NYAP2: variants seen among roughly 807,000 people sequenced by gnomAD.
NYAP2 encodes neuronal tyrosine-phosphorylated phosphoinositide-3-kinase adapter 2.
Under a neutral mutation model 50.4 loss-of-function variants are expected in NYAP2, and 23 were observed. The ratio of observed to expected loss-of-function variants is 0.46; its 90% CI spans 0.33 to 0.65. The LOEUF is 0.65. Ranked by LOEUF, NYAP2 falls within the 30% of genes least tolerant of loss-of-function variation. The pLI, the probability that NYAP2 is intolerant of heterozygous loss-of-function variation, is 0.02. For synonymous variants in NYAP2, 394 were observed against 365.2 expected, an observed-to-expected ratio of 1.08 and a Z score of -0.90; for missense variants, 885 against 861.0, an observed-to-expected ratio of 1.03 and a Z score of -0.35.
intron 5 of NYAP2, among the ~76,000 whole-genome samples, chr2:225,583,965 C>A (rs1013236225): frequency 2.6e-5 from 4 of 152,072 alleles, no homozygotes; most frequent in African/African-American, 9.7e-5. Context: ...TGGCGCGAAC[C>A]CGGGAGGCAG....
chr2:225,692,489 G>T, the NYAP2 span, among the ~76,000 whole-genome samples: 2 of 152,080 alleles, frequency 1.3e-5, no homozygotes, highest in Non-Finnish European at 2.9e-5. Context: ...AGATGAGATT[G>T]TTACAATATA....
At chr2:225,658,823 A>C (rs1693866799), downstream of NYAP2, among the ~76,000 whole-genome samples, 1 of 152,242 alleles carries the variant, frequency 6.6e-6, no homozygotes, top group Non-Finnish European at 1.5e-5. Context: ...ACTTTAATAC[A>C]AAGAATTCAG....
upstream of NYAP2, among the ~76,000 whole-genome samples, chr2:225,398,713 T>G (rs1026751037): frequency 6.6e-6 from 1 of 152,052 alleles, no homozygotes; most frequent in Non-Finnish European, 1.5e-5. Flanking sequence ...CTTCCCCGTT[T>G]GTATTTCTCC....
At chr2:225,586,966 A>G (rs1349187185) in intron 5 of NYAP2, among the ~76,000 whole-genome samples, 1 of 152,242 alleles carries the variant, frequency 6.6e-6, no homozygotes, top group Non-Finnish European at 1.5e-5. Context: ...ACTTACAATC[A>G]TGATGGAAGG....
chr2:225,483,113 A>G (rs1450981568), intron 3 of NYAP2, among the ~76,000 whole-genome samples: 1 of 152,238 alleles, frequency 6.6e-6, no homozygotes, highest in East Asian at 1.9e-4. Context: ...ATTGTTTAAA[A>G]AATTAACTAA....
chr2:225,568,107 T>C (rs1421300278), intron 4 of NYAP2, among the ~76,000 whole-genome samples: 1 of 152,170 alleles, frequency 6.6e-6, no homozygotes, highest in Non-Finnish European at 1.5e-5. Context: ...AAAATGATTG[T>C]TTTAATCTCA....
intron 5 of NYAP2, among the ~76,000 whole-genome samples, chr2:225,612,757 C>A (rs1267906175): frequency 2.0e-5 from 1 of 49,712 alleles, no homozygotes; most frequent in Non-Finnish European, 5.2e-5. Flanking sequence ...CCCTTACAAT[C>A]TCATCTAAAC....
intron 3 of NYAP2, among the ~76,000 whole-genome samples, chr2:225,441,264 C>T (rs1689466506): frequency 6.6e-6 from 1 of 152,254 alleles, no homozygotes; most frequent in African/African-American, 2.4e-5. Context: ...TAATCTCAGA[C>T]ATATAACTGG....
intron 3 of NYAP2, among the ~76,000 whole-genome samples, chr2:225,414,853 C>T (rs1397855717): frequency 1.3e-5 from 2 of 152,108 alleles, no homozygotes. Context: ...TCTGATTTTG[C>T]TATTAGCTAT....
the NYAP2 span, among the ~76,000 whole-genome samples, chr2:225,669,684 C>T: frequency 2.6e-5 from 4 of 151,830 alleles, no homozygotes; most frequent in Admixed American, 2.0e-4. Context: ...AAGTGAATAA[C>T]AAAAAAATCA....
chr2:225,690,193 G>T, the NYAP2 span, among the ~76,000 whole-genome samples: 1 of 151,978 alleles, frequency 6.6e-6, no homozygotes, highest in Non-Finnish European at 1.5e-5. Flanking sequence ...AATATTCTGA[G>T]GAGTAGTGTT....
chr2:225,453,792 T>C (rs1689690034), intron 3 of NYAP2, among the ~76,000 whole-genome samples: 1 of 151,408 alleles, frequency 6.6e-6, no homozygotes, highest in Admixed American at 6.6e-5. Context: ...CTAAACCTTC[T>C]GAGTAGTTGG....
chr2:225,565,614 A>G (rs1691948184), intron 4 of NYAP2, among the ~76,000 whole-genome samples: 1 of 149,302 alleles, frequency 6.7e-6, no homozygotes, highest in Admixed American at 6.8e-5. Context: ...ATGTAGTCAG[A>G]GATAATTCTC....
At chr2:225,414,182 A>G (rs1363430479) in intron 3 of NYAP2, among the ~76,000 whole-genome samples, 1 of 152,128 alleles carries the variant, frequency 6.6e-6, no homozygotes, top group Admixed American at 6.6e-5. Flanking sequence ...TCATACCTTC[A>G]CTTCCATTTC....
chr2:225,582,348 G>T lies in NYAP2; in HGVS notation c.931G>T (p.Val311Leu). ...TGACTTGGACTTCGCCAAGGCCTCA[G>T]TGCCATGCCCCCCCAAGGGGCTGCT... Residue 311 changes from valine to leucine, a missense_variant, in exon 5 of 7, where the codon GTG becomes TTG. By Grantham distance (32) the Val-to-Leu change is conservative. Transcript: ENST00000636099. The surrounding 1 kb of genome is among the most constrained non-coding windows in gnomAD (Gnocchi z 7.0). 6.2e-7 allele frequency: 1 copy of T among 1,613,738 alleles called. No homozygotes were observed.
intron 3 of NYAP2, among the ~76,000 whole-genome samples, chr2:225,478,095 A>C (rs1413001273): frequency 6.6e-6 from 1 of 152,218 alleles, no homozygotes; most frequent in Admixed American, 6.5e-5. Flanking sequence ...TCATTAATTT[A>C]AAGAATTATG....
chr2:225,485,879 C>G (rs1428675992), intron 3 of NYAP2, among the ~76,000 whole-genome samples: 1 of 152,164 alleles, frequency 6.6e-6, no homozygotes, highest in Non-Finnish European at 1.5e-5. Flanking sequence ...TGCAGCTGCC[C>G]TGTGCATGTT....
chr2:225,464,906 A>T (rs1689892657), intron 3 of NYAP2, among the ~76,000 whole-genome samples: 1 of 152,182 alleles, frequency 6.6e-6, no homozygotes, highest in Admixed American at 6.5e-5. Context: ...CTTTCCTCTG[A>T]AACTGTCTAT....
intron 5 of NYAP2, among the ~76,000 whole-genome samples, chr2:225,609,610 A>G (rs914140864): frequency 1.3e-5 from 2 of 152,130 alleles, no homozygotes; most frequent in African/African-American, 2.4e-5. Flanking sequence ...TCTTGGCTTC[A>G]TGGACTCCTT....
Sources: gnomAD v4.1 joint callset for allele counts (sites outside exome capture counted in the v4.1 genomes callset) on GRCh38, gnomAD v4.1.1 for gene constraint, Gnocchi (gnomAD v3.1) non-coding constraint, MANE v1.5 for transcripts, NCBI Gene and HGNC (gene_info 2026-07-23, HGNC 2026-07-21) for gene names.